The following FAM135B variants were observed in gnomAD, a reference collection of about 807,000 sequenced individuals.
FAM135B encodes the protein protein FAM135B.
FAM135B carries 43 observed loss-of-function variants against 127.7 expected under a neutral mutation model. The observed-to-expected ratio is 0.34, with a 90% confidence interval of 0.26 to 0.43. FAM135B has a LOEUF of 0.43. Ranked by LOEUF, FAM135B falls within the 20% of genes least tolerant of loss-of-function variation. FAM135B has a pLI of 1.00. For synonymous variants in FAM135B, 670 were observed against 665.1 expected (o/e 1.01, Z -0.11); for missense variants, 1,558 against 1,725.6 (o/e 0.90, Z 1.72).
At chr8:138,466,103 G>A (rs915543284) in intron 1 of FAM135B, among the ~76,000 whole-genome samples, 1 of 152,150 alleles carries the variant, frequency 6.6e-6, no homozygotes, top group Non-Finnish European at 1.5e-5. Context: ...TCTGATCTAT[G>A]GCTTTAGCCT....
chr8:138,443,730 T>C (rs1349607329), intron 1 of FAM135B, among the ~76,000 whole-genome samples: 2 of 152,162 alleles, frequency 1.3e-5, no homozygotes, highest in Non-Finnish European at 2.9e-5. Context: ...AGAAATATAC[T>C]TTATGTCAGG....
At chr8:138,484,425 C>T (rs982650446) in intron 1 of FAM135B, among the ~76,000 whole-genome samples, 6 of 152,056 alleles carry the variant, frequency 3.9e-5, no homozygotes, top group East Asian at 3.9e-4. Context: ...ACAGTGCAGC[C>T]GGGAAGGAAT....
At chr8:138,273,585 T>G (rs1008439645) in intron 3 of FAM135B, among the ~76,000 whole-genome samples, 3 of 152,150 alleles carry the variant, frequency 2.0e-5, no homozygotes, top group Non-Finnish European at 4.4e-5. Flanking sequence ...GAATGGAGCA[T>G]GGAGCATCTC....
At chr8:138,385,317 A>G (rs541489161) in intron 1 of FAM135B, among the ~76,000 whole-genome samples, 2 of 152,110 alleles carry the variant, frequency 1.3e-5, no homozygotes, top group Non-Finnish European at 2.9e-5. Flanking sequence ...CTTGATTTTC[A>G]TGTCCTCTCT....
intron 7 of FAM135B, among the ~76,000 whole-genome samples, chr8:138,231,035 A>G (rs1390593362): frequency 6.6e-6 from 1 of 151,800 alleles, no homozygotes; most frequent in Non-Finnish European, 1.5e-5. Context: ...TTTGTTTAGT[A>G]TTTATTTATT....
intron 1 of FAM135B, among the ~76,000 whole-genome samples, chr8:138,470,359 A>G (rs1266524726): frequency 6.6e-6 from 1 of 152,184 alleles, no homozygotes; most frequent in East Asian, 1.9e-4. Context: ...TGTACATTTT[A>G]TATTTATACA....
intron 4 of FAM135B, among the ~76,000 whole-genome samples, chr8:138,258,635 T>C (rs1057276602): frequency 6.6e-6 from 1 of 152,098 alleles, no homozygotes; most frequent in African/African-American, 2.4e-5. Flanking sequence ...GGGAGAGAAA[T>C]CATTCTCCTG....
chr8:138,247,628 A>C (rs1821389099), intron 6 of FAM135B, among the ~76,000 whole-genome samples: 1 of 152,202 alleles, frequency 6.6e-6, no homozygotes, highest in Non-Finnish European at 1.5e-5. Flanking sequence ...GAGTGAGAAC[A>C]GACTAATACA....
At chr8:138,285,648 T>C (rs549956042) in intron 3 of FAM135B, among the ~76,000 whole-genome samples, 3 of 152,324 alleles carry the variant, frequency 2.0e-5, no homozygotes, top group African/African-American at 4.8e-5. Context: ...GGGTCAGCCA[T>C]TGGCACATAT....
chr8:138,249,836 A>G (rs911789672), intron 6 of FAM135B, among the ~76,000 whole-genome samples: 2 of 152,236 alleles, frequency 1.3e-5, no homozygotes, highest in African/African-American at 4.8e-5. Flanking sequence ...CTACGCATAA[A>G]CATTGCACAC....
At chr8:138,344,776 C>T (rs111475170) in intron 2 of FAM135B, among the ~76,000 whole-genome samples, 4 of 151,970 alleles carry the variant, frequency 2.6e-5, no homozygotes, top group African/African-American at 9.7e-5. Context: ...GGGGTTTCAC[C>T]GTGTTAGCCA....
chr8:138,220,385 G>T (rs1480516237), intron 7 of FAM135B, among the ~76,000 whole-genome samples: 1 of 152,146 alleles, frequency 6.6e-6, no homozygotes, highest in Non-Finnish European at 1.5e-5. Flanking sequence ...CGCATCAACT[G>T]CTAGTGAGAG....
At chr8:138,438,015 T>C (rs550373481) in intron 1 of FAM135B, 5 of 152,176 alleles carry the variant, frequency 3.3e-5, no homozygotes, top group Admixed American at 2.6e-4. Flanking sequence ...AAGAACTTAT[T>C]TGTGCTTCAA....
At position 138,371,606 on chromosome 8, in the gene FAM135B, A is replaced by G. The variant is rs185852487; in HGVS notation, c.-19-3604T>C. Reference sequence around the variant, plus strand: ...AGGGCAGGACATGATTCAGATCTCCATCTCCAGCACATCAGCAACCACACC... The same window carrying G: ...AGGGCAGGACATGATTCAGATCTCCGTCTCCAGCACATCAGCAACCACACC... On this transcript the variant is annotated intron_variant, in intron 1 of 19. Coordinates refer to ENST00000395297, the MANE Select transcript of FAM135B (RefSeq NM_015912.4). Among the ~76,000 whole-genome samples the G allele has an allele frequency of 1.9e-3, 283 of 152,130 alleles. 2 individuals are homozygous for G. Among genetic ancestry groups the G allele is most frequent in the Non-Finnish European group, 5.1e-4 (35 of 67,990 alleles).
intron 1 of FAM135B, among the ~76,000 whole-genome samples, chr8:138,471,042 C>T (rs1837646298): frequency 6.6e-6 from 1 of 152,182 alleles, no homozygotes. Context: ...TTATCATACA[C>T]ACAGACAATG....
chr8:138,275,172 C>A (rs892265498), intron 3 of FAM135B, among the ~76,000 whole-genome samples: 1 of 152,196 alleles, frequency 6.6e-6, no homozygotes, highest in Non-Finnish European at 1.5e-5. Context: ...ATGAAATCTA[C>A]ACAATCCACA....
intron 1 of FAM135B, among the ~76,000 whole-genome samples, chr8:138,478,589 G>T (rs1587548249): frequency 6.6e-6 from 1 of 152,190 alleles, no homozygotes; most frequent in East Asian, 1.9e-4. Context: ...ATTCAACATA[G>T]TGTTGAAGGG....
chr8:138,262,340 G>C (rs920708572), intron 4 of FAM135B, among the ~76,000 whole-genome samples: 3 of 152,210 alleles, frequency 2.0e-5, no homozygotes, highest in African/African-American at 7.2e-5. Context: ...TGCCAGGGTA[G>C]CTCTTTGAGA....
chr8:138,162,313 G>A (rs1180315038), intron 12 of FAM135B, among the ~76,000 whole-genome samples: 2 of 152,204 alleles, frequency 1.3e-5, no homozygotes, highest in African/African-American at 4.8e-5. Context: ...AATAGGCTAA[G>A]CACAGAGGAT....
Sources: gnomAD v4.1 joint callset for allele counts (sites outside exome capture counted in the v4.1 genomes callset) on GRCh38, gnomAD v4.1.1 for gene constraint, MANE v1.5 for transcripts, NCBI Gene and HGNC (gene_info 2026-07-23, HGNC 2026-07-21) for gene names.